The following SORCS1 variants were observed in gnomAD, a reference collection of about 807,000 sequenced individuals.
SORCS1 encodes VPS10 domain-containing receptor SorCS1.
SORCS1 carries 60 observed loss-of-function variants against 146.1 expected under a neutral mutation model. The ratio of observed to expected loss-of-function variants is 0.41; its 90% CI spans 0.33 to 0.51. The LOEUF (loss-of-function observed/expected upper bound fraction) is 0.51. Ranked by LOEUF, SORCS1 falls within the 20% of genes least tolerant of loss-of-function variation. The pLI, the probability that SORCS1 is intolerant of heterozygous loss-of-function variation, is 0.21. For missense variants in SORCS1, 1,352 were observed against 1,487.6 expected, an observed-to-expected ratio of 0.91 and a Z score of 1.50; for synonymous variants, 637 against 584.0, an observed-to-expected ratio of 1.09 and a Z score of -1.31.
At chr10:106,814,697 G>A (rs1037436997) in intron 3 of SORCS1, among the ~76,000 whole-genome samples, 6 of 152,012 alleles carry the variant, frequency 3.9e-5, no homozygotes, top group South Asian at 2.1e-4. Context: ...GGTGGATCAC[G>A]AGGTCAGGAG....
chr10:106,874,997 T>C (rs75259758), intron 2 of SORCS1, among the ~76,000 whole-genome samples: 3 of 152,166 alleles, frequency 2.0e-5, no homozygotes. Context: ...GGGGTAAAAG[T>C]GATTTTTGGT....
chr10:106,689,917 C>G (rs942509739), intron 9 of SORCS1, among the ~76,000 whole-genome samples: 3 of 152,116 alleles, frequency 2.0e-5, no homozygotes, highest in East Asian at 1.9e-4. Context: ...ATAGTTGGGC[C>G]AAATTTGTAC....
At chr10:106,616,971 C>T (rs1304301755) in intron 21 of SORCS1, among the ~76,000 whole-genome samples, 7 of 143,708 alleles carry the variant, frequency 4.9e-5, no homozygotes, top group East Asian at 2.0e-4. Flanking sequence ...TTTTTTCTTT[C>T]GAGATGGAGT....
At chr10:106,984,095 A>T (rs1045194626) in intron 1 of SORCS1, among the ~76,000 whole-genome samples, 7 of 152,244 alleles carry the variant, frequency 4.6e-5, no homozygotes, top group African/African-American at 1.7e-4. Context: ...GTATCACAGG[A>T]CTTGAACCAC....
intron 4 of SORCS1, among the ~76,000 whole-genome samples, chr10:106,769,033 C>T (rs777691756): frequency 6.6e-6 from 1 of 152,306 alleles, no homozygotes; most frequent in South Asian, 2.1e-4. Flanking sequence ...CCAGCTCACT[C>T]TACTGTCGGT....
Position 106,706,547 on chromosome 10 carries a change from T to C in SORCS1, c.1231A>G (p.Lys411Glu). The C allele has an allele frequency of 6.2e-7, 1 of 1,614,112 alleles. No individual in the cohort carries two copies. Reference protein sequence around the residue: ...QMKLPKYALPKDMHVISTDEN... With the variant: ...QMKLPKYALPEDMHVISTDEN... Reference sequence around the variant, plus strand: ...GAAGAAAGTGATTTAGGCCATACCTTGGGCAAAGCATATTTCGGAAGCTTC... The same window carrying C: ...GAAGAAAGTGATTTAGGCCATACCTCGGGCAAAGCATATTTCGGAAGCTTC... The change falls in exon 8 of 26, where the codon AAG becomes GAG. Residue 411 changes from lysine to glutamate, a missense_variant and splice_region_variant. Physicochemically the swap from Lys to Glu is moderately conservative, Grantham distance 56. Transcript: ENST00000263054.
intron 2 of SORCS1, among the ~76,000 whole-genome samples, chr10:106,860,579 G>T (rs1047514901): frequency 1.3e-5 from 2 of 152,202 alleles, no homozygotes; most frequent in Non-Finnish European, 2.9e-5. Context: ...TAAGGAAGAT[G>T]ATCAGCTTGC....
chr10:106,711,470 G>A (rs1854984423), intron 6 of SORCS1, among the ~76,000 whole-genome samples: 1 of 152,150 alleles, frequency 6.6e-6, no homozygotes, highest in South Asian at 2.1e-4. Context: ...CTTTACTTAA[G>A]GAACTTATGT....
intron 3 of SORCS1, among the ~76,000 whole-genome samples, chr10:106,819,116 T>G (rs1172906347): frequency 6.6e-6 from 1 of 152,220 alleles, no homozygotes; most frequent in Non-Finnish European, 1.5e-5. Flanking sequence ...TTGGAACAGT[T>G]AAGAAGAGTA....
intron 2 of SORCS1, among the ~76,000 whole-genome samples, chr10:106,940,832 C>T (rs1376040981): frequency 5.3e-5 from 8 of 152,104 alleles, no homozygotes; most frequent in South Asian, 4.1e-4. Flanking sequence ...TTCAGTGAGC[C>T]TAAGTTGTGC....
intron 1 of SORCS1, among the ~76,000 whole-genome samples, chr10:107,030,037 T>C (rs1283547438): frequency 1.3e-5 from 2 of 152,096 alleles, no homozygotes; most frequent in Admixed American, 6.6e-5. Flanking sequence ...AGCAGTGCCA[T>C]GTCGCACAAT....
chr10:106,979,279 T>G (rs1956157890), intron 1 of SORCS1, among the ~76,000 whole-genome samples: 1 of 152,270 alleles, frequency 6.6e-6, no homozygotes, highest in South Asian at 2.1e-4. Flanking sequence ...CCAGAAAAAC[T>G]TCCTTAGGAA....
At chr10:107,156,590 C>T (rs1331402322) in intron 1 of SORCS1, among the ~76,000 whole-genome samples, 1 of 152,164 alleles carries the variant, frequency 6.6e-6, no homozygotes, top group Non-Finnish European at 1.5e-5. Context: ...CCACTCTCAC[C>T]CCAACAGTTA....
chr10:107,015,425 A>T (rs1487997585), intron 1 of SORCS1, among the ~76,000 whole-genome samples: 3 of 152,180 alleles, frequency 2.0e-5, no homozygotes, highest in African/African-American at 7.2e-5. Context: ...TTGAGCAAAG[A>T]GTTGACAGAG....
intron 1 of SORCS1, among the ~76,000 whole-genome samples, chr10:107,132,068 T>G (rs1966894058): frequency 2.0e-5 from 3 of 152,122 alleles, no homozygotes; most frequent in Admixed American, 2.0e-4. Context: ...AAGTAAGAAC[T>G]TATAGATAAT....
At chr10:106,776,395 C>T in intron 4 of SORCS1, 139 bp downstream of exon 4, 2 of 1,043,190 alleles carry the variant, frequency 1.9e-6, no homozygotes, top group Non-Finnish European at 1.4e-6. Context: ...CTTGCTTTCC[C>T]TTGTCCCATT....
Position 106,948,207 on chromosome 10 carries a change from GA to G in SORCS1, c.626+8305del, listed in dbSNP as rs1007967936. ...TAGTTGAGTCACAAAGATATGAAGA[GA>G]AAAAAAACAATAACTCACCACTACA... On this transcript the variant is annotated intron_variant, in intron 2 of 25. Coordinates refer to ENST00000263054, the MANE Select transcript of SORCS1 (RefSeq NM_052918.5). Among the ~76,000 whole-genome samples the G allele has an allele frequency of 2.9e-4, 43 of 148,910 alleles. 1 individual carries two copies. Among genetic ancestry groups the G allele is most frequent in the Middle Eastern group, 3.5e-3 (1 of 288 alleles).
chr10:106,674,186 G>A lies in SORCS1; in HGVS notation c.1940+863C>T, dbSNP rs183961589. On this transcript the variant is annotated intron_variant, in intron 14 of 25. Transcript: ENST00000263054. ...AAAAAAAATTATAAAAAAATTACCC[G>A]GGCGTGGTGGCAGGCACCTGTAGTC... is the stretch of plus-strand genomic sequence containing the variant. Among the ~76,000 whole-genome samples, 586 of 149,204 alleles carry A rather than the reference G, an allele frequency of 3.9e-3. 4 individuals carry two copies. Among genetic ancestry groups the A allele is most frequent in the African/African-American group, 0.013 (545 of 40,782 alleles).
chr10:106,788,178 CA>C (rs1451672416), intron 3 of SORCS1, among the ~76,000 whole-genome samples: 1 of 152,146 alleles, frequency 6.6e-6, no homozygotes, highest in African/African-American at 2.4e-5. Flanking sequence ...ATGAGAACAG[CA>C]TGAGGGGAAC....
Sources: allele counts gnomAD v4.1 joint callset (sites outside exome capture counted in the v4.1 genomes callset), GRCh38; gene constraint gnomAD v4.1.1; transcripts MANE v1.5; gene names NCBI Gene and HGNC (gene_info 2026-07-23, HGNC 2026-07-21).